UBTD1: variants seen among roughly 807,000 people sequenced by gnomAD.
UBTD1 encodes ubiquitin domain-containing protein 1.
In UBTD1, 19 loss-of-function variants were observed where a neutral mutation model predicts 21.7. The observed-to-expected ratio is 0.87, with a 90% CI of 0.61 to 1.28. The LOEUF is 1.28. Among genes scored for constraint, UBTD1 ranks in the 50% most tolerant of loss-of-function variants. The pLI is 0.00. For synonymous variants in UBTD1, 116 were observed against 135.1 expected, an observed-to-expected ratio of 0.86 and a Z score of 0.98; for missense variants, 282 against 315.1, an observed-to-expected ratio of 0.89 and a Z score of 0.80.
Position 97,499,131 on chromosome 10 carries a change from G to A in UBTD1, c.-73G>A. 2 of 1,466,038 alleles carry A rather than the reference G, an allele frequency of 1.4e-6. No homozygotes were observed. 90.8% of individuals were successfully genotyped at this position (1,466,038 alleles called of 1,614,324 possible). ...GCCGGGCGGCCGGAGCCATTGACCCGGGACGCCGCCGTCCGCTGAGCAGCC... is the reference window on the plus strand; with the variant it reads ...GCCGGGCGGCCGGAGCCATTGACCCAGGACGCCGCCGTCCGCTGAGCAGCC... On this transcript the variant is annotated 5_prime_UTR_variant, in exon 1 of 3. Transcript: ENST00000370664.
intron 1 of UBTD1, among the ~76,000 whole-genome samples, chr10:97,547,193 C>T (rs1022389367): frequency 6.6e-6 from 1 of 152,204 alleles, no homozygotes; most frequent in Non-Finnish European, 1.5e-5. Flanking sequence ...ACCTGGCTGC[C>T]GTGCCGGTGC....
intron 1 of UBTD1, among the ~76,000 whole-genome samples, chr10:97,545,489 G>A (rs942221604): frequency 4.0e-5 from 6 of 151,730 alleles, no homozygotes; most frequent in African/African-American, 1.2e-4. Context: ...CTAGGACATC[G>A]CCTGGGCTGT....
intron 1 of UBTD1, among the ~76,000 whole-genome samples, chr10:97,559,012 G>C (rs149635167): frequency 6.6e-6 from 1 of 152,128 alleles, no homozygotes; most frequent in East Asian, 1.9e-4. Flanking sequence ...GCATCCGCTC[G>C]GGGATGAACA....
chr10:97,523,262 G>A (rs751046104), intron 1 of UBTD1, among the ~76,000 whole-genome samples: 5 of 152,210 alleles, frequency 3.3e-5, no homozygotes, highest in Non-Finnish European at 5.9e-5. Context: ...CACCCTGAAG[G>A]TGGGAATTTC....
At chr10:97,528,404 T>A (rs1180790769) in intron 1 of UBTD1, among the ~76,000 whole-genome samples, 55 of 25,386 alleles carry the variant, frequency 2.2e-3, no homozygotes, top group Non-Finnish European at 3.5e-3. Context: ...GGGGGCTGAC[T>A]CCCCCACCTC....
At chr10:97,508,427 G>A (rs979896026) in intron 1 of UBTD1, among the ~76,000 whole-genome samples, 5 of 152,168 alleles carry the variant, frequency 3.3e-5, no homozygotes, top group African/African-American at 1.2e-4. Context: ...ATGGGAACAT[G>A]CCTACCTATT....
At chr10:97,550,033 G>C (rs1207608309) in intron 1 of UBTD1, among the ~76,000 whole-genome samples, 2 of 152,220 alleles carry the variant, frequency 1.3e-5, no homozygotes, top group Non-Finnish European at 2.9e-5. Context: ...TGTGACTGCT[G>C]GGGTGGGAGG....
At chr10:97,528,389 G>T (rs1463859727) in intron 1 of UBTD1, among the ~76,000 whole-genome samples, 7 of 89,794 alleles carry the variant, frequency 7.8e-5, no homozygotes, top group Non-Finnish European at 9.5e-5. Context: ...GCGGCTGGCC[G>T]GGCGGGGGGC....
intron 1 of UBTD1, among the ~76,000 whole-genome samples, chr10:97,520,468 A>G: frequency 6.6e-6 from 1 of 152,226 alleles, no homozygotes; most frequent in East Asian, 1.9e-4. Flanking sequence ...CAGGTCCCAC[A>G]GAATAACAGG....
intron 1 of UBTD1, among the ~76,000 whole-genome samples, chr10:97,506,425 T>C (rs531913795): frequency 1.3e-5 from 2 of 152,346 alleles, no homozygotes; most frequent in East Asian, 3.9e-4. Flanking sequence ...CATTGCTGTG[T>C]CTTCTGCCTG....
intron 1 of UBTD1, among the ~76,000 whole-genome samples, chr10:97,562,808 C>T (rs2040699136): frequency 6.6e-6 from 1 of 152,168 alleles, no homozygotes; most frequent in South Asian, 2.1e-4. Flanking sequence ...ATGTAGGTCA[C>T]AGGACATATG....
chr10:97,532,229 G>A (rs1033210432), intron 1 of UBTD1, among the ~76,000 whole-genome samples: 2 of 152,208 alleles, frequency 1.3e-5, no homozygotes, highest in Non-Finnish European at 2.9e-5. Context: ...AGCAGTTGGA[G>A]TTGTCTGCAG....
intron 1 of UBTD1, among the ~76,000 whole-genome samples, chr10:97,502,921 T>A (rs147129970): frequency 0.36 from 36,492 of 101,066 alleles, 4,831 homozygotes; most frequent in South Asian, 0.44. Context: ...ATATATATAT[T>A]TTTTTTTTTT....
At chr10:97,526,101 T>C (rs2040487072) in intron 1 of UBTD1, among the ~76,000 whole-genome samples, 1 of 152,122 alleles carries the variant, frequency 6.6e-6, no homozygotes, top group South Asian at 2.1e-4. Context: ...TGATGTGCCA[T>C]TTGTGTAGTC....
chr10:97,501,808 G>GTGCCGTGCCTTGT (rs1276443772), intron 1 of UBTD1, among the ~76,000 whole-genome samples: 3 of 151,990 alleles, frequency 2.0e-5, no homozygotes, highest in African/African-American at 7.3e-5. Context: ...TTCATTTCAA[G>GTGCCGTGCCTTGT]TGCCGTGCCT....
At chr10:97,548,609 C>T (rs2040621838) in intron 1 of UBTD1, among the ~76,000 whole-genome samples, 1 of 152,212 alleles carries the variant, frequency 6.6e-6, no homozygotes, top group Non-Finnish European at 1.5e-5. Flanking sequence ...CAGCCTGGCC[C>T]ATCTCTACTA....
rs532202939 is a variant in UBTD1 at position 97,565,053 on chromosome 10, A to T, written c.71-2861A>T. On this transcript the variant is annotated intron_variant, in intron 1 of 2. Transcript: ENST00000370664. ...TCTCACATGTAATGATTGATGTCTT[A>T]AATCTCCCTAAAACATATAAAACCA... Among the ~76,000 whole-genome samples, 13 of 152,324 alleles carry T rather than the reference A, an allele frequency of 8.5e-5. No individual in the cohort carries two copies. In the East Asian group the frequency reaches 2.5e-3, roughly 29 times the overall value.
Position 97,504,638 on chromosome 10 carries a change from G to T in UBTD1, c.70+5365G>T, listed in dbSNP as rs1325552470. Reference sequence around the variant, plus strand: ...TATTGGTTGTCTCCCCTTGCTCCATGTTGTCAGAGATTTTTATTTGTTCAC... The same window carrying T: ...TATTGGTTGTCTCCCCTTGCTCCATTTTGTCAGAGATTTTTATTTGTTCAC... On this transcript the variant is annotated intron_variant, in intron 1 of 2. Transcript: ENST00000370664. Among the ~76,000 whole-genome samples, 3 of 152,282 alleles carry T rather than the reference G, an allele frequency of 2.0e-5. No individual in the cohort carries two copies. The East Asian group carries it at 5.8e-4, about 29-fold the overall frequency.
At chr10:97,508,925 C>T (rs757504453) in intron 1 of UBTD1, among the ~76,000 whole-genome samples, 19 of 152,286 alleles carry the variant, frequency 1.2e-4, no homozygotes, top group Non-Finnish European at 2.4e-4. Flanking sequence ...AGCAAACCTC[C>T]GCTTTCCAAC....
Sources: allele counts gnomAD v4.1 joint callset (sites outside exome capture counted in the v4.1 genomes callset), GRCh38; gene constraint gnomAD v4.1.1; transcripts MANE v1.5; gene names NCBI Gene and HGNC (gene_info 2026-07-23, HGNC 2026-07-21).